The following RBFOX1 variants were observed in gnomAD, a reference collection of about 807,000 sequenced individuals.
RBFOX1 encodes the protein RNA binding protein fox-1 homolog 1.
A neutral mutation model predicts 57.7 loss-of-function variants in RBFOX1; 8 were observed. The observed-to-expected ratio is 0.14, with a 90% CI of 0.08 to 0.25. The LOEUF (loss-of-function observed/expected upper bound fraction) is 0.25. Ranked by LOEUF, RBFOX1 falls within the 10% of genes least tolerant of loss-of-function variation. The probability of loss-of-function intolerance (pLI) is 1.00; values close to 1 mark genes in which losing one functional copy is unlikely to be tolerated. For missense variants in RBFOX1, 611 were observed against 548.5 expected (o/e 1.11, Z -1.14); for synonymous variants, 326 against 222.4 (o/e 1.47, Z -4.15).
chr16:6,460,185 G>T (rs941094276), intron 2 of RBFOX1, among the ~76,000 whole-genome samples: 2 of 151,934 alleles, frequency 1.3e-5, no homozygotes, highest in Admixed American at 6.6e-5. Flanking sequence ...CAAGATTAAG[G>T]TGTCAGCAGG....
intron 1 of RBFOX1, among the ~76,000 whole-genome samples, chr16:5,310,490 A>G (rs1211073078): frequency 1.3e-5 from 2 of 152,130 alleles, no homozygotes; most frequent in Non-Finnish European, 2.9e-5. Context: ...CAGGCACAGT[A>G]TTCAGCATTT....
Position 7,087,564 on chromosome 16 carries a change from A to AGGAGGGAGAGAG in RBFOX1, c.27+35475_27+35486dup, listed in dbSNP as rs1293602802. Among the ~76,000 whole-genome samples, 16 of 134,774 alleles carry AGGAGGGAGAGAG rather than the reference A, an allele frequency of 1.2e-4. 2 individuals carry two copies. The highest frequency in any genetic ancestry group is 9.9e-4 in the Admixed American group (13 of 13,120). The allele number at this position is 134,774 out of a possible 152,430, so 88.4% of individuals were successfully genotyped here. A position where few individuals can be genotyped will look rare whatever the true frequency, so the allele number is the denominator to read the frequency against. On this transcript the variant is annotated intron_variant, in intron 4 of 15. Coordinates refer to ENST00000550418, the MANE Select transcript of RBFOX1 (RefSeq NM_018723.4). ...TAGGAAGGGAAAAGAGAGAGAGAGA[A>AGGAGGGAGAGAG]GGAGGGAGAGAGGGAGGGAGGGAGG...
At chr16:6,800,589 G>T (rs757048038) in intron 3 of RBFOX1, among the ~76,000 whole-genome samples, 1 of 152,048 alleles carries the variant, frequency 6.6e-6, no homozygotes, top group African/African-American at 2.4e-5. Context: ...TCACCTGGCC[G>T]GATGGTTAAA....
intron 4 of RBFOX1, among the ~76,000 whole-genome samples, chr16:7,372,122 C>T (rs926984282): frequency 6.6e-6 from 1 of 152,148 alleles, no homozygotes; most frequent in Admixed American, 6.5e-5. Context: ...GTTGGTGTCT[C>T]ATAACTTCCA....
At chr16:6,282,846 G>A (rs944911604) in intron 1 of RBFOX1, among the ~76,000 whole-genome samples, 1 of 152,140 alleles carries the variant, frequency 6.6e-6, no homozygotes, top group Admixed American at 6.6e-5. Flanking sequence ...ATAATTTCTT[G>A]AGCATTTGTT....
At chr16:6,163,620 C>G (rs1251396277) in intron 1 of RBFOX1, among the ~76,000 whole-genome samples, 1 of 152,062 alleles carries the variant, frequency 6.6e-6, no homozygotes, top group Non-Finnish European at 1.5e-5. Flanking sequence ...CTCTTGGTGT[C>G]TTAGCCTCAA....
At chr16:6,667,143 G>T (rs147276117) in intron 3 of RBFOX1, among the ~76,000 whole-genome samples, 2 of 152,256 alleles carry the variant, frequency 1.3e-5, no homozygotes, top group Non-Finnish European at 2.9e-5. Context: ...GTAAAAAGAC[G>T]CAGAGCTTCT....
chr16:7,605,721 T>A (rs898966277), intron 9 of RBFOX1, among the ~76,000 whole-genome samples: 1 of 152,200 alleles, frequency 6.6e-6, no homozygotes, highest in Non-Finnish European at 1.5e-5. Context: ...TTCCTTCACA[T>A]TCAAACTTTA....
chr16:6,229,539 C>A (rs1490318618), intron 1 of RBFOX1, among the ~76,000 whole-genome samples: 3 of 151,994 alleles, frequency 2.0e-5, no homozygotes, highest in African/African-American at 7.2e-5. Flanking sequence ...TTGAGCCGCT[C>A]ATAAAAAGAG....
At chr16:7,592,728 G>A (rs2094506548) in intron 7 of RBFOX1, among the ~76,000 whole-genome samples, 1 of 152,184 alleles carries the variant, frequency 6.6e-6, no homozygotes. Flanking sequence ...GCTTTTGGCT[G>A]TACCTCTACA....
intron 4 of RBFOX1, among the ~76,000 whole-genome samples, chr16:7,418,784 C>CTATCTCTATCTA (rs1389014289): frequency 7.3e-6 from 1 of 137,674 alleles, no homozygotes; most frequent in African/African-American, 2.8e-5. Flanking sequence ...GTCTCTATCT[C>CTATCTCTATCTA]TGTCTTTCTC....
Position 6,154,824 on chromosome 16 carries a change from G to T in RBFOX1, c.-127+134832G>T, listed in dbSNP as rs191147772. Among the ~76,000 whole-genome samples, 53 of 152,238 alleles carry T rather than the reference G, an allele frequency of 3.5e-4. No individual in the cohort carries two copies. In the East Asian group the frequency reaches 8.5e-3, roughly 24 times the overall value. On this transcript the variant is annotated intron_variant, in intron 1 of 15. Transcript: ENST00000550418. ...CTGTGTGTTAATTTGAAAATAGCCT[G>T]TTCATTTGAATATAAGAACAAATAC...
At chr16:6,893,832 A>G (rs1284801803) in intron 3 of RBFOX1, among the ~76,000 whole-genome samples, 6 of 152,194 alleles carry the variant, frequency 3.9e-5, no homozygotes, top group Non-Finnish European at 7.3e-5. Context: ...AATATGCTTA[A>G]TACTTCAGGG....
At chr16:5,679,390 G>T (rs1285186937) in intron 3 of RBFOX1, among the ~76,000 whole-genome samples, 1 of 151,724 alleles carries the variant, frequency 6.6e-6, no homozygotes, top group African/African-American at 2.4e-5. Context: ...GAATGTACAG[G>T]TTTGTTATAT....
intron 4 of RBFOX1, among the ~76,000 whole-genome samples, chr16:7,123,040 T>G (rs2067556360): frequency 6.6e-6 from 1 of 151,668 alleles, no homozygotes; most frequent in Non-Finnish European, 1.5e-5. Flanking sequence ...TGCCAGGGAT[T>G]AGGGGTTGGG....
chr16:6,853,716 C>G (rs764828885), intron 3 of RBFOX1, among the ~76,000 whole-genome samples: 38 of 152,092 alleles, frequency 2.5e-4, no homozygotes, highest in Non-Finnish European at 1.8e-4. Context: ...GATTCGTTTA[C>G]CAGTAGACAA....
chr16:7,599,548 A>G lies in RBFOX1; in HGVS notation c.622+2117A>G, dbSNP rs563074839. On this transcript the variant is annotated intron_variant, in intron 9 of 15. Coordinates refer to ENST00000550418, the MANE Select transcript of RBFOX1 (RefSeq NM_018723.4). Reference sequence around the variant, plus strand: ...ATGTGAGGCATTTTAAGTGCACTGGACACAAATGAAGTCCTATAAAGAGGA... The same window carrying G: ...ATGTGAGGCATTTTAAGTGCACTGGGCACAAATGAAGTCCTATAAAGAGGA... 3.9e-5 allele frequency among the ~76,000 whole-genome samples: 6 copies of G among 152,266 alleles called. No homozygotes were observed. In the South Asian group the frequency reaches 6.2e-4, roughly 16 times the overall value.
At chr16:6,777,125 G>A (rs1186790998) in intron 3 of RBFOX1, among the ~76,000 whole-genome samples, 3 of 152,082 alleles carry the variant, frequency 2.0e-5, no homozygotes, top group African/African-American at 7.2e-5. Flanking sequence ...GGGATTAGTG[G>A]TCTTGTATGC....
chr16:5,476,084 T>C (rs973759013), intron 2 of RBFOX1, among the ~76,000 whole-genome samples: 11 of 152,124 alleles, frequency 7.2e-5, no homozygotes, highest in African/African-American at 2.7e-4. Flanking sequence ...CCTCCTTCTC[T>C]TAGACTTATG....
Sources: allele counts gnomAD v4.1 joint callset (sites outside exome capture counted in the v4.1 genomes callset), GRCh38; gene constraint gnomAD v4.1.1; transcripts MANE v1.5; gene names NCBI Gene and HGNC (gene_info 2026-07-23, HGNC 2026-07-21).